Variants in INSL6 observed in about 807,000 individuals in gnomAD.
The protein encoded by INSL6 is insulin-like peptide INSL6.
A neutral mutation model predicts 9.4 loss-of-function variants in INSL6; 16 were observed. The ratio of observed to expected loss-of-function variants is 1.70; its 90% CI spans 1.15 to 2.59. The LOEUF is 2.59. INSL6 is among the 30% of genes most tolerant of loss of function. The pLI is 0.00. For missense variants in INSL6, 391 were observed against 257.3 expected (o/e 1.52, Z -3.56); for synonymous variants, 154 against 96.9 (o/e 1.59, Z -3.46).
intron 2 of INSL6, among the ~76,000 whole-genome samples, chr9:5,143,104 G>C (rs1211249541): frequency 6.6e-6 from 1 of 152,090 alleles, no homozygotes; most frequent in East Asian, 1.9e-4. Flanking sequence ...CCAGTATTTT[G>C]AGGATTTTTG....
chr9:5,117,134 C>T, the INSL6 span, among the ~76,000 whole-genome samples: 1 of 152,262 alleles, frequency 6.6e-6, no homozygotes, highest in Non-Finnish European at 1.5e-5. Context: ...AAGCAGAGAG[C>T]AGCCCTCACC....
chr9:5,041,374 G>A, the INSL6 span: 7 of 626,346 alleles, frequency 1.1e-5, no homozygotes, highest in Middle Eastern at 5.7e-4. Flanking sequence ...ACATGCACCT[G>A]GGCAAGGAGC....
At chr9:5,012,132 C>T in the INSL6 span, among the ~76,000 whole-genome samples, 1 of 152,168 alleles carries the variant, frequency 6.6e-6, no homozygotes, top group Non-Finnish European at 1.5e-5. Flanking sequence ...TTTCTAGCAG[C>T]TCCAAACTTC....
chr9:5,011,913 G>C, the INSL6 span, among the ~76,000 whole-genome samples: 1 of 152,178 alleles, frequency 6.6e-6, no homozygotes, highest in East Asian at 1.9e-4. Flanking sequence ...TGGCGTTTCA[G>C]TGGAAAGCCT....
intron 1 of INSL6, among the ~76,000 whole-genome samples, chr9:5,165,990 A>T (rs1276826178): frequency 6.6e-6 from 1 of 152,238 alleles, no homozygotes; most frequent in Admixed American, 6.5e-5. Context: ...CCAATCTGTC[A>T]CAATGGCTAG....
At chr9:5,161,083 T>C (rs1163823979), downstream of INSL6, among the ~76,000 whole-genome samples, 2 of 152,158 alleles carry the variant, frequency 1.3e-5, no homozygotes, top group Non-Finnish European at 2.9e-5. Context: ...AAACTCATTC[T>C]ATGAGACCAA....
chr9:5,125,935 A>T (rs1823961780), intron 3 of INSL6: 1 of 152,730 alleles, frequency 6.5e-6, no homozygotes, highest in Non-Finnish European at 1.5e-5. Flanking sequence ...ACTTTGACAT[A>T]TGAAAGTTTT....
chr9:5,107,599 T>C, the INSL6 span, among the ~76,000 whole-genome samples: 2 of 152,172 alleles, frequency 1.3e-5, no homozygotes, highest in African/African-American at 4.8e-5. Flanking sequence ...AAAGAAATGA[T>C]TTCGATTCAT....
At chr9:5,041,012 A>T in the INSL6 span, 1 of 661,512 alleles carries the variant, frequency 1.5e-6, no homozygotes, top group Non-Finnish European at 2.8e-6. Flanking sequence ...CGGACCCCGC[A>T]GCTGCACCTG....
chr9:5,131,435 A>ATTTTT lies in INSL6; in HGVS notation c.*10+1985_*10+1989dup, dbSNP rs550915336. ...AATTCTTTAACACCACCAGTTAACAATTTTTTTTTTTTTTTTTTTGAGACA... is the reference window on the plus strand; with the variant it reads ...AATTCTTTAACACCACCAGTTAACAATTTTTTTTTTTTTTTTTTTTTTTTGAGACA... On this transcript the variant is annotated intron_variant, in intron 3 of 3. Transcript: ENST00000649639. 8.6e-5 allele frequency among the ~76,000 whole-genome samples: 10 copies of ATTTTT among 115,832 alleles called. 1 individual carries two copies. The highest frequency in any genetic ancestry group is 8.9e-5 in the Admixed American group (1 of 11,246). The allele number at this position is 115,832 out of a possible 152,430, so 76.0% of individuals were successfully genotyped here.
At chr9:5,036,405 G>T in the INSL6 span, among the ~76,000 whole-genome samples, 1 of 152,116 alleles carries the variant, frequency 6.6e-6, no homozygotes, top group Admixed American at 6.5e-5. Flanking sequence ...CCAAAAAAGA[G>T]CCCACATTGC....
chr9:5,122,952 A>G (rs575157360), downstream of INSL6: 3 of 1,123,438 alleles, frequency 2.7e-6, no homozygotes, highest in Non-Finnish European at 3.9e-6. Flanking sequence ...GGTAAAATCA[A>G]GAGTCCACAT....
At chr9:5,064,730 G>A in the INSL6 span, among the ~76,000 whole-genome samples, 1 of 152,150 alleles carries the variant, frequency 6.6e-6, no homozygotes, top group Non-Finnish European at 1.5e-5. Flanking sequence ...TATCAGACAT[G>A]AGAATTTGTA....
the INSL6 span, among the ~76,000 whole-genome samples, chr9:5,058,009 A>C: frequency 9.2e-5 from 14 of 152,188 alleles, no homozygotes; most frequent in Admixed American, 2.6e-4. Flanking sequence ...TTTGTATTAC[A>C]GCATGTATCA....
At chr9:5,044,116 T>C in the INSL6 span, among the ~76,000 whole-genome samples, 32 of 152,374 alleles carry the variant, frequency 2.1e-4, no homozygotes, top group East Asian at 6.0e-3. Flanking sequence ...TAAGCTATGT[T>C]TTTAACTTTT....
chr9:5,107,510 T>C, the INSL6 span, among the ~76,000 whole-genome samples: 1 of 152,162 alleles, frequency 6.6e-6, no homozygotes, highest in Non-Finnish European at 1.5e-5. Flanking sequence ...ATACTAGTTA[T>C]CATTTTAATC....
chr9:5,169,065 TA>T (rs369120920), intron 1 of INSL6, among the ~76,000 whole-genome samples: 13 of 152,202 alleles, frequency 8.5e-5, no homozygotes, highest in Middle Eastern at 3.4e-3. Context: ...TCCCTGGGAT[TA>T]GAGGCATGCG....
the INSL6 span, among the ~76,000 whole-genome samples, chr9:4,994,196 A>G: frequency 2.0e-5 from 3 of 152,212 alleles, no homozygotes; most frequent in African/African-American, 7.2e-5. Flanking sequence ...TGTGGCCATA[A>G]ATATGCCATA....
At chr9:5,174,646 C>T (rs1825257363) in intron 1 of INSL6, among the ~76,000 whole-genome samples, 3 of 152,140 alleles carry the variant, frequency 2.0e-5, no homozygotes, top group South Asian at 2.1e-4. Flanking sequence ...TCTAGTCTTA[C>T]AGCTCAAAAA....
Sources: allele counts gnomAD v4.1 joint callset (sites outside exome capture counted in the v4.1 genomes callset), GRCh38; gene constraint gnomAD v4.1.1; transcripts MANE v1.5; gene names NCBI Gene and HGNC (gene_info 2026-07-23, HGNC 2026-07-21).